The following SIAH3 variants were observed in gnomAD, a reference collection of about 807,000 sequenced individuals.
SIAH3 encodes seven in absentia homolog 3.
In SIAH3, 9 loss-of-function variants were observed where a neutral mutation model predicts 12.6. That is an observed-to-expected ratio of 0.72 (90% CI 0.43 to 1.25). SIAH3 has a LOEUF of 1.25. SIAH3 is among the 50% of genes most tolerant of loss of function. The pLI is 0.00. For synonymous variants in SIAH3, 154 were observed against 151.1 expected (o/e 1.02, Z -0.14); for missense variants, 390 against 365.4 (o/e 1.07, Z -0.55).
At chr13:45,792,345 A>C (rs1236919095) in intron 1 of SIAH3, among the ~76,000 whole-genome samples, 3 of 146,548 alleles carry the variant, frequency 2.0e-5, no homozygotes, top group Non-Finnish European at 3.0e-5. Flanking sequence ...CATGTGACTC[A>C]TTATGAAGGT....
intron 1 of SIAH3, among the ~76,000 whole-genome samples, chr13:45,807,104 A>G (rs9526110): frequency 0.34 from 52,384 of 152,004 alleles, 9,711 homozygotes; most frequent in Non-Finnish European, 0.41. Context: ...CTTGGAATAA[A>G]TTTTATAGGA....
chr13:45,803,937 G>A (rs1164027156), intron 1 of SIAH3, among the ~76,000 whole-genome samples: 1 of 152,076 alleles, frequency 6.6e-6, no homozygotes, highest in Non-Finnish European at 1.5e-5. Flanking sequence ...AAGGATATAA[G>A]ACTGGTAGCA....
intron 1 of SIAH3, among the ~76,000 whole-genome samples, chr13:45,811,705 G>A (rs1183676789): frequency 6.6e-6 from 1 of 152,134 alleles, no homozygotes; most frequent in Non-Finnish European, 1.5e-5. Context: ...ACCACTTCAG[G>A]ATCCTAGCGT....
chr13:45,805,856 A>G (rs968757992), intron 1 of SIAH3, among the ~76,000 whole-genome samples: 2 of 152,188 alleles, frequency 1.3e-5, no homozygotes, highest in East Asian at 1.9e-4. Flanking sequence ...TCCAGAATCT[A>G]TAAGAAACCT....
chr13:45,826,558 G>A (rs879758056), intron 1 of SIAH3, among the ~76,000 whole-genome samples: 5 of 151,986 alleles, frequency 3.3e-5, no homozygotes, highest in Admixed American at 6.6e-5. Context: ...TTGACTCTCC[G>A]GGCTTTATTA....
At chr13:45,826,385 A>ATGGT (rs1566094840) in intron 1 of SIAH3, among the ~76,000 whole-genome samples, 2,489 of 5,062 alleles carry the variant, frequency 0.49, 1,146 homozygotes, top group African/African-American at 0.75. Context: ...GAATGAATGG[A>ATGGT]TGGATGGATG....
intron 1 of SIAH3, among the ~76,000 whole-genome samples, chr13:45,850,255 C>T (rs992766803): frequency 1.3e-5 from 2 of 152,126 alleles, no homozygotes; most frequent in African/African-American, 4.8e-5. Flanking sequence ...AGCTGTCTTT[C>T]GGCGGAACTT....
chr13:45,827,050 A>G lies in SIAH3; in HGVS notation c.135+24445T>C, dbSNP rs557945383. On this transcript the variant is annotated intron_variant, in intron 1 of 1. Transcript: ENST00000400405. ...GGCTAACAGCTCTTTAGTTTCATTC[A>G]TGTCAGCTAAGTGGCCACTCTTAGC... Among the ~76,000 whole-genome samples, 12 of 152,196 alleles carry G rather than the reference A, an allele frequency of 7.9e-5. No homozygotes were observed. In the East Asian group the frequency reaches 2.3e-3, roughly 29 times the overall value.
rs1950515537 is a variant in SIAH3 at position 45,783,885 on chromosome 13, G to A, written c.308C>T (p.Thr103Met). ...QEAGLHANPV[T>M]PCLCMCPLFS... ...CAAGGGACACATGCACAGGCAGGGC[G>A]TCACCGGGTTGGCGTGCAGCCCCGC... Residue 103 changes from threonine (T) to methionine (M), a missense_variant, in exon 2 of 2, where the codon ACG becomes ATG. Transcript: ENST00000400405. The A allele has an allele frequency of 3.1e-6, 5 of 1,612,742 alleles. No individual in the cohort carries two copies. The highest frequency in any genetic ancestry group is 2.2e-5 in the East Asian group (1 of 44,870).
Position 45,796,090 on chromosome 13 carries a change from C to T in SIAH3, c.136-12033G>A, listed in dbSNP as rs1324743022. On this transcript the variant is annotated intron_variant, in intron 1 of 1. Transcript: ENST00000400405. Reference sequence around the variant, plus strand: ...GTGGACATATTGACTTGGTGGGACCCGAGGGAGCCCCTGAGGGCTGGAAAT... The same window carrying T: ...GTGGACATATTGACTTGGTGGGACCTGAGGGAGCCCCTGAGGGCTGGAAAT... 5.3e-5 allele frequency among the ~76,000 whole-genome samples: 8 copies of T among 152,120 alleles called. No individual in the cohort carries two copies. The East Asian group carries it at 5.8e-4, about 11-fold the overall frequency.
chr13:45,848,304 A>C (rs556036656), intron 1 of SIAH3, among the ~76,000 whole-genome samples: 1 of 152,340 alleles, frequency 6.6e-6, no homozygotes, highest in South Asian at 2.1e-4. Context: ...AGACAGGCAG[A>C]GACTGAGGGA....
chr13:45,822,520 A>AATATACATATATATAT (rs1950659215), intron 1 of SIAH3, among the ~76,000 whole-genome samples: 2 of 85,420 alleles, frequency 2.3e-5, no homozygotes, highest in African/African-American at 8.9e-5. Flanking sequence ...TTCATTATCA[A>AATATACATATATATAT]ATATATATAT....
chr13:45,816,413 A>T (rs571719676), intron 1 of SIAH3, among the ~76,000 whole-genome samples: 1 of 152,370 alleles, frequency 6.6e-6, no homozygotes, highest in African/African-American at 2.4e-5. Flanking sequence ...GCCAAAGAAG[A>T]CAGGGTGTTT....
At chr13:45,789,350 T>TATC (rs1197467618) in intron 1 of SIAH3, among the ~76,000 whole-genome samples, 1 of 150,646 alleles carries the variant, frequency 6.6e-6, no homozygotes, top group Non-Finnish European at 1.5e-5. Flanking sequence ...TCTATCTGTG[T>TATC]ATCTATCATC....
At chr13:45,793,540 G>A (rs1950553042) in intron 1 of SIAH3, among the ~76,000 whole-genome samples, 1 of 152,138 alleles carries the variant, frequency 6.6e-6, no homozygotes, top group Non-Finnish European at 1.5e-5. Context: ...GCTCCAGGTG[G>A]GTGAGTACTG....
chr13:45,794,272 C>T (rs1192004828), intron 1 of SIAH3, among the ~76,000 whole-genome samples: 2 of 152,004 alleles, frequency 1.3e-5, no homozygotes, highest in South Asian at 2.1e-4. Flanking sequence ...TATCAGGAAA[C>T]ACTGAGTCTA....
intron 1 of SIAH3, among the ~76,000 whole-genome samples, chr13:45,811,755 T>C (rs9562618): frequency 6.6e-6 from 1 of 152,234 alleles, no homozygotes; most frequent in African/African-American, 2.4e-5. Flanking sequence ...GCCACCTTCA[T>C]GGTCATTCAC....
In SIAH3 at chr13:45,779,707, T is replaced by C. The variant is rs1950496679; in HGVS notation, c.*3676A>G. On this transcript the variant is annotated 3_prime_UTR_variant, in exon 2 of 2. Coordinates refer to ENST00000400405, the MANE Select transcript of SIAH3 (RefSeq NM_198849.3). Reference sequence around the variant, plus strand: ...GTTATGGGGATTACATGATCTACTATATTCAAAGTACGCAGCCTACTGGAT... The same window carrying C: ...GTTATGGGGATTACATGATCTACTACATTCAAAGTACGCAGCCTACTGGAT... The C allele has an allele frequency of 1.3e-5, 2 of 152,212 alleles. No individual in the cohort carries two copies. The highest frequency in any genetic ancestry group is 2.4e-5 in the African/African-American group (1 of 41,438). 9.4% of individuals were successfully genotyped at this position (152,212 alleles called of 1,614,324 possible).
In SIAH3 at chr13:45,851,525, G is replaced by C. The variant is rs375254199; in HGVS notation, c.105C>G (p.Val35=). 1.9e-5 allele frequency: 31 copies of C among 1,614,070 alleles called. No individual in the cohort carries two copies. In the African/African-American group the frequency reaches 3.7e-4, roughly 19 times the overall value. ...KRVFSAAGQL[V]CVVNPTHNLK... ...GGTTGTGTGTGGGGTTGACGACACA[G>C]ACAAGTTGCCCGGCAGCGGAGAAAA... is the stretch of plus-strand genomic sequence containing the variant. Residue 35 remains valine, a synonymous_variant, in exon 1 of 2, where the codon GTC becomes GTG. Transcript: ENST00000400405.
Sources: gnomAD v4.1 joint callset for allele counts (sites outside exome capture counted in the v4.1 genomes callset) on GRCh38, gnomAD v4.1.1 for gene constraint, MANE v1.5 for transcripts, NCBI Gene and HGNC (gene_info 2026-07-23, HGNC 2026-07-21) for gene names.